AKT3: variants seen among roughly 807,000 people sequenced by gnomAD.
AKT3 encodes the protein AKT serine/threonine kinase 3.
A neutral mutation model predicts 65.3 loss-of-function variants in AKT3; 15 were observed. That is an observed-to-expected ratio of 0.23 (90% CI 0.15 to 0.35). The LOEUF (loss-of-function observed/expected upper bound fraction) is 0.35, where lower values mean the gene tolerates loss of function less well. Ranked by LOEUF, AKT3 falls within the 10% of genes least tolerant of loss-of-function variation. AKT3 has a pLI of 1.00. For synonymous variants in AKT3, 206 were observed against 183.8 expected, an observed-to-expected ratio of 1.12 and a Z score of -0.98; for missense variants, 243 against 576.5, an observed-to-expected ratio of 0.42 and a Z score of 5.92.
rs552959465 is a variant in AKT3, at chr1:243,492,447, A to G, written c.*7-3997T>C. ...CTCCCAAGTAGCTGGGATTACAGGC[A>G]CCCACCACCACACCTAGCTAATTTT... On this transcript the variant is annotated intron_variant, in intron 13 of 13. Coordinates refer to the AKT3 transcript ENST00000336199. 1.6e-3 allele frequency among the ~76,000 whole-genome samples: 243 copies of G among 147,462 alleles called. 1 individual carries two copies. Among genetic ancestry groups the G allele is most frequent in the Non-Finnish European group, 3.0e-3 (197 of 66,692 alleles).
chr1:243,745,713 G>A (rs1226073767), intron 2 of AKT3, among the ~76,000 whole-genome samples: 1 of 151,968 alleles, frequency 6.6e-6, no homozygotes, highest in Admixed American at 6.6e-5. Context: ...TTAGCTCATC[G>A]TGTGGCCCAA....
At chr1:243,673,260 A>G (rs1432922661) in intron 3 of AKT3, among the ~76,000 whole-genome samples, 3 of 152,196 alleles carry the variant, frequency 2.0e-5, no homozygotes, top group Non-Finnish European at 4.4e-5. Flanking sequence ...ATACAGAAAA[A>G]TACATACATA....
At chr1:243,488,692 C>T (rs1389038116) in intron 13 of AKT3, among the ~76,000 whole-genome samples, 1 of 152,206 alleles carries the variant, frequency 6.6e-6, no homozygotes, top group Non-Finnish European at 1.5e-5. Flanking sequence ...TGAACAATGG[C>T]GGCATTTAGG....
downstream of AKT3, among the ~76,000 whole-genome samples, chr1:243,496,329 CGAGGCGGAGGCGG>C (rs540777824): frequency 3.4e-3 from 518 of 152,268 alleles, 2 homozygotes; most frequent in Admixed American, 5.9e-3. Flanking sequence ...GCCCAGAACA[CGAGGCGGAGGCGG>C]GAGGCGAGCC....
chr1:243,820,530 A>T (rs2148421623), intron 2 of AKT3, among the ~76,000 whole-genome samples: 1 of 152,326 alleles, frequency 6.6e-6, no homozygotes, highest in African/African-American at 2.4e-5. Flanking sequence ...GTTCAAACCC[A>T]ATGCAAAGAA....
chr1:243,599,725 A>G (rs1473328283), intron 8 of AKT3, among the ~76,000 whole-genome samples: 1 of 152,116 alleles, frequency 6.6e-6, no homozygotes, highest in East Asian at 1.9e-4. Context: ...AGCTAACAAC[A>G]TGGTTAATGG....
chr1:243,654,960 G>T (rs1302597436), intron 4 of AKT3, among the ~76,000 whole-genome samples: 1 of 151,908 alleles, frequency 6.6e-6, no homozygotes. Context: ...TGAAACTATG[G>T]TTTGGTATCT....
chr1:243,774,736 C>A (rs1690436482), intron 2 of AKT3, among the ~76,000 whole-genome samples: 1 of 152,154 alleles, frequency 6.6e-6, no homozygotes, highest in Admixed American at 6.5e-5. Flanking sequence ...CTAGTACATA[C>A]AGATGGCATG....
rs1687346452 is a variant in AKT3, at chr1:243,728,385, C to G, written c.47-32669G>C. On this transcript the variant is annotated intron_variant, in intron 2 of 13. Coordinates refer to ENST00000673466, the MANE Select transcript of AKT3 (RefSeq NM_005465.7). ...CAGGTGGTGTACTCCCTTTCTGTGA[C>G]AGGCAATAAACTCTATCTATAGGTT... 3.3e-5 allele frequency among the ~76,000 whole-genome samples: 5 copies of G among 152,206 alleles called. No individual in the cohort carries two copies. The South Asian group carries it at 1.0e-3, about 32-fold the overall frequency.
At chr1:243,507,153 C>T (rs1669721012) in intron 13 of AKT3, among the ~76,000 whole-genome samples, 1 of 152,210 alleles carries the variant, frequency 6.6e-6, no homozygotes, top group South Asian at 2.1e-4. Context: ...CCTGCTCAGC[C>T]AGGAAGGGCA....
chr1:243,752,041 G>C (rs913757181), intron 2 of AKT3, among the ~76,000 whole-genome samples: 1 of 152,146 alleles, frequency 6.6e-6, no homozygotes, highest in Non-Finnish European at 1.5e-5. Context: ...CTGTTGAGCT[G>C]GGTTAATGCT....
chr1:243,667,169 C>T (rs1421686367), intron 3 of AKT3, among the ~76,000 whole-genome samples: 4 of 152,274 alleles, frequency 2.6e-5, no homozygotes, highest in East Asian at 1.9e-4. Flanking sequence ...GGAGACCATT[C>T]GTAACTGGTT....
At position 243,535,155 on chromosome 1, in the gene AKT3, T is replaced by TATTTAAA. The variant is rs1553398019; in HGVS notation, c.1251+10354_1251+10355insTTTAAAT. Among the ~76,000 whole-genome samples the TATTTAAA allele has an allele frequency of 1.9e-3, 247 of 131,368 alleles. 2 individuals are homozygous for TATTTAAA. The highest frequency in any genetic ancestry group is 2.2e-3 in the Non-Finnish European group (143 of 65,122). The allele number at this position is 131,368 out of a possible 152,430, so 86.2% of individuals were successfully genotyped here. On this transcript the variant is annotated intron_variant, in intron 12 of 13. Coordinates refer to ENST00000673466, the MANE Select transcript of AKT3 (RefSeq NM_005465.7). ...ATATAAAATTAAAAATTTTAAAATA[T>TATTTAAA]ATTTTAAAATATATTTAAAATTTTA...
rs320324 is a variant in AKT3 at position 243,581,601 on chromosome 1, T to A, written c.697-8553A>T. Reference sequence around the variant, plus strand: ...AGAAAAAGAAAGAAAAAATCCTACCTGCATGAAAATAATTACAGAAGTTAC... The same window carrying A: ...AGAAAAAGAAAGAAAAAATCCTACCAGCATGAAAATAATTACAGAAGTTAC... On this transcript the variant is annotated intron_variant, in intron 8 of 13. Coordinates refer to ENST00000673466, the MANE Select transcript of AKT3 (RefSeq NM_005465.7). Among the ~76,000 whole-genome samples, 3 of 151,978 alleles carry A rather than the reference T, an allele frequency of 2.0e-5. No homozygotes were observed. The South Asian group carries it at 6.2e-4, about 32-fold the overall frequency.
chr1:243,657,553 T>C (rs1681902744), intron 4 of AKT3, among the ~76,000 whole-genome samples: 1 of 152,172 alleles, frequency 6.6e-6, no homozygotes. Flanking sequence ...TTTAATATTG[T>C]TAAGATGTCA....
At chr1:243,820,836 T>G (rs915948895) in intron 2 of AKT3, among the ~76,000 whole-genome samples, 6 of 151,898 alleles carry the variant, frequency 4.0e-5, no homozygotes, top group African/African-American at 1.5e-4. Flanking sequence ...ATGGGGAAAA[T>G]GGAACCAAGT....
intron 2 of AKT3, among the ~76,000 whole-genome samples, chr1:243,805,617 C>A (rs2148380200): frequency 6.6e-6 from 1 of 152,274 alleles, no homozygotes; most frequent in African/African-American, 2.4e-5. Context: ...ATTGTCAAAT[C>A]CAATGGCCCC....
At chr1:243,746,148 T>G (rs1485817866) in intron 2 of AKT3, among the ~76,000 whole-genome samples, 1 of 152,194 alleles carries the variant, frequency 6.6e-6, no homozygotes, top group Admixed American at 6.5e-5. Flanking sequence ...AATGCTTATT[T>G]TACTAAACTC....
chr1:243,621,470 A>G (rs1425299485), intron 6 of AKT3, among the ~76,000 whole-genome samples: 1 of 152,136 alleles, frequency 6.6e-6, no homozygotes, highest in African/African-American at 2.4e-5. Flanking sequence ...AAGCATCTCC[A>G]GGACTCAGTC....
Sources: gnomAD v4.1 joint callset for allele counts (sites outside exome capture counted in the v4.1 genomes callset) on GRCh38, gnomAD v4.1.1 for gene constraint, MANE v1.5 for transcripts, NCBI Gene and HGNC (gene_info 2026-07-23, HGNC 2026-07-21) for gene names.